GLI3: variants seen among roughly 807,000 people sequenced by gnomAD.
The protein encoded by GLI3 is transcription activator GLI3.
GLI3 carries 20 observed loss-of-function variants against 100.8 expected under a neutral mutation model. The observed-to-expected ratio is 0.20, with a 90% confidence interval of 0.14 to 0.29. The LOEUF is 0.29. Ranked by LOEUF, GLI3 falls within the 10% of genes least tolerant of loss-of-function variation. The pLI is 1.00. For missense variants in GLI3, 2,040 were observed against 2,128.5 expected, an observed-to-expected ratio of 0.96 and a Z score of 0.82; for synonymous variants, 938 against 860.5, an observed-to-expected ratio of 1.09 and a Z score of -1.58.
At chr7:42,056,762 C>T (rs1784469898) in intron 4 of GLI3, among the ~76,000 whole-genome samples, 1 of 150,998 alleles carries the variant, frequency 6.6e-6, no homozygotes, top group Non-Finnish European at 1.5e-5. Context: ...ACCAGTGTGA[C>T]CAACATGGAG....
At chr7:42,070,283 C>T (rs770352339) in intron 4 of GLI3, among the ~76,000 whole-genome samples, 16 of 152,210 alleles carry the variant, frequency 1.1e-4, no homozygotes, top group Non-Finnish European at 1.8e-4. Context: ...AAGGCCTGAA[C>T]GTGGCTTTTT....
At position 42,195,431 on chromosome 7, in the gene GLI3, CCAA is replaced by C. The variant is rs200892788; in HGVS notation, c.124+27696_124+27698del. On this transcript the variant is annotated intron_variant, in intron 2 of 14. Coordinates refer to ENST00000395925, the MANE Select transcript of GLI3 (RefSeq NM_000168.6). ...TCCCTTTTACCTCTGGAAAGTCTGC[CCAA>C]CAACCCCGTTTGTCTGGAACATAAC... 2.2e-3 allele frequency among the ~76,000 whole-genome samples: 333 copies of C among 152,216 alleles called. 6 individuals are homozygous for C. In the East Asian group the frequency reaches 0.032, roughly 15 times the overall value.
intron 3 of GLI3, among the ~76,000 whole-genome samples, chr7:42,093,090 AG>A (rs1411127592): frequency 6.6e-6 from 1 of 151,892 alleles, no homozygotes; most frequent in Admixed American, 6.6e-5. Context: ...CTGGGATTAC[AG>A]GCATGAGCCA....
chr7:42,206,561 C>T (rs910992434), intron 2 of GLI3, among the ~76,000 whole-genome samples: 1 of 152,090 alleles, frequency 6.6e-6, no homozygotes, highest in African/African-American at 2.4e-5. Flanking sequence ...TCACTTCATA[C>T]ATATGAATTC....
intron 3 of GLI3, among the ~76,000 whole-genome samples, chr7:42,087,780 G>A (rs989141401): frequency 3.3e-5 from 5 of 149,656 alleles, no homozygotes; most frequent in Admixed American, 6.7e-5. Flanking sequence ...TTATTGTTAC[G>A]CTTTGGAATC....
At chr7:42,118,912 C>T (rs987984417) in intron 3 of GLI3, among the ~76,000 whole-genome samples, 3 of 152,182 alleles carry the variant, frequency 2.0e-5, no homozygotes, top group African/African-American at 7.2e-5. Flanking sequence ...AACTCAGCAT[C>T]GTGAAACCCA....
At chr7:42,086,691 C>G (rs779258106) in intron 3 of GLI3, among the ~76,000 whole-genome samples, 2 of 152,078 alleles carry the variant, frequency 1.3e-5, no homozygotes, top group Admixed American at 6.5e-5. Flanking sequence ...ACAAACACCA[C>G]CCCCTCCATC....
chr7:42,185,105 T>A (rs1164458714), intron 2 of GLI3, among the ~76,000 whole-genome samples: 1 of 152,170 alleles, frequency 6.6e-6, no homozygotes, highest in African/African-American at 2.4e-5. Flanking sequence ...TGAGGAGATC[T>A]ACACAGTTTG....
chr7:42,090,717 C>T (rs1785199286), intron 3 of GLI3, among the ~76,000 whole-genome samples: 1 of 152,188 alleles, frequency 6.6e-6, no homozygotes, highest in South Asian at 2.1e-4. Context: ...TAGACAGACA[C>T]TGTCCTCAGC....
Position 42,191,667 on chromosome 7 carries a change from T to C in GLI3, c.124+31463A>G, listed in dbSNP as rs1250533456. Among the ~76,000 whole-genome samples, 4 of 150,984 alleles carry C rather than the reference T, an allele frequency of 2.6e-5. No homozygotes were observed. In the East Asian group the frequency reaches 7.8e-4, roughly 29 times the overall value. On this transcript the variant is annotated intron_variant, in intron 2 of 14. Transcript: ENST00000395925. ...CTCCGTTTCAAAAAATATATATATA[T>C]ATATATAATATTTTTTGAACACATA...
chr7:42,209,576 G>A (rs1032945947), intron 2 of GLI3, among the ~76,000 whole-genome samples: 1 of 152,122 alleles, frequency 6.6e-6, no homozygotes, highest in African/African-American at 2.4e-5. Context: ...CAAAATTCCT[G>A]TGGAAATTGG....
chr7:42,093,676 T>C (rs1175483083), intron 3 of GLI3, among the ~76,000 whole-genome samples: 1 of 152,172 alleles, frequency 6.6e-6, no homozygotes, highest in Non-Finnish European at 1.5e-5. Flanking sequence ...TATAAATCAC[T>C]ATAAATCACT....
chr7:42,222,996 C>G, intron 2 of GLI3, 134 bp downstream of exon 2: 1 of 1,084,954 alleles, frequency 9.2e-7, no homozygotes, highest in Non-Finnish European at 1.4e-6. Flanking sequence ...GTCCCCCCGC[C>G]CCTGCTCCAT....
chr7:42,242,169 A>G (rs769778165), upstream of GLI3, among the ~76,000 whole-genome samples: 2 of 152,114 alleles, frequency 1.3e-5, no homozygotes, highest in Non-Finnish European at 2.9e-5. Context: ...AGTTTTCTTA[A>G]AGCTGGGTAA....
In GLI3 at chr7:42,182,656, A is replaced by ATATATATATACATGTGTG. The variant is rs1554337007; in HGVS notation, c.125-34189_125-34188insCACACATGTATATATATA. On this transcript the variant is annotated intron_variant, in intron 2 of 14. Transcript: ENST00000395925. ...TGTATATGTGTGTGTATATATATAT[A>ATATATATATACATGTGTG]TATATATATATATATATATATATAT... Among the ~76,000 whole-genome samples the ATATATATATACATGTGTG allele has an allele frequency of 5.6e-5, 3 of 53,674 alleles. No individual in the cohort carries two copies. In the East Asian group the frequency reaches 8.8e-4, roughly 16 times the overall value. 35.2% of individuals were successfully genotyped at this position (53,674 alleles called of 152,430 possible). A position where few individuals can be genotyped will look rare whatever the true frequency, so the allele number is the denominator to read the frequency against.
intron 4 of GLI3, among the ~76,000 whole-genome samples, chr7:42,061,344 A>G (rs1784565633): frequency 6.6e-6 from 1 of 152,182 alleles, no homozygotes; most frequent in Non-Finnish European, 1.5e-5. Flanking sequence ...TATTAGTATC[A>G]TCATCATCCT....
intron 1 of GLI3, among the ~76,000 whole-genome samples, chr7:42,232,249 G>A (rs1047506266): frequency 2.1e-4 from 32 of 152,150 alleles, no homozygotes; most frequent in Admixed American, 2.1e-3. Flanking sequence ...ACAGTATGAT[G>A]CCAACACGGC....
chr7:42,013,217 C>G (rs569954700), intron 10 of GLI3, among the ~76,000 whole-genome samples: 1 of 152,292 alleles, frequency 6.6e-6, no homozygotes, highest in African/African-American at 2.4e-5. Flanking sequence ...ACCTACCTGT[C>G]TATTTTATTT....
chr7:42,169,888 A>G (rs917953740), intron 2 of GLI3, among the ~76,000 whole-genome samples: 1 of 151,970 alleles, frequency 6.6e-6, no homozygotes, highest in East Asian at 1.9e-4. Flanking sequence ...TTCAATTACA[A>G]TCAATTGAAA....
Sources: gnomAD v4.1 joint callset for allele counts (sites outside exome capture counted in the v4.1 genomes callset) on GRCh38, gnomAD v4.1.1 for gene constraint, MANE v1.5 for transcripts, NCBI Gene and HGNC (gene_info 2026-07-23, HGNC 2026-07-21) for gene names.